PHACTR2: variants seen among roughly 807,000 people sequenced by gnomAD.
PHACTR2 encodes the protein phosphatase and actin regulator 2, also known as chromosome 6 open reading frame 56.
Under a neutral mutation model 76.0 loss-of-function variants are expected in PHACTR2, and 30 were observed. That is an observed-to-expected ratio of 0.39 (90% CI 0.30 to 0.54). The LOEUF is 0.54. PHACTR2 is among the 20% of genes least tolerant of loss of function. The probability of loss-of-function intolerance (pLI) is 0.61; values close to 1 mark genes in which losing one functional copy is unlikely to be tolerated. For synonymous variants in PHACTR2, 292 were observed against 292.5 expected (o/e 1.00, Z 0.02); for missense variants, 696 against 781.1 (o/e 0.89, Z 1.30).
intron 1 of PHACTR2, among the ~76,000 whole-genome samples, chr6:143,563,844 A>T (rs1775319524): frequency 6.6e-6 from 1 of 150,662 alleles, no homozygotes; most frequent in South Asian, 2.1e-4. Flanking sequence ...AAAAAAAAAA[A>T]ATACAAAAAA....
At chr6:143,706,632 C>T (rs1010824499) in intron 1 of PHACTR2, among the ~76,000 whole-genome samples, 11 of 152,298 alleles carry the variant, frequency 7.2e-5, no homozygotes, top group African/African-American at 2.6e-4. Context: ...TAACCTGCAC[C>T]CCGTGTGATG....
upstream of PHACTR2, among the ~76,000 whole-genome samples, chr6:143,673,440 TA>T (rs2128451298): frequency 6.6e-6 from 1 of 152,214 alleles, no homozygotes; most frequent in African/African-American, 2.4e-5. Context: ...CAAATTTTGT[TA>T]GTTTCTAGGG....
In PHACTR2 at chr6:143,761,930, C is replaced by G. The variant is rs1364856963; in HGVS notation, c.694+1290C>G. The stretch of plus-strand genomic sequence containing the variant: ...TCTGAATGCCAATAGACATCCCTCT[C>G]CCTGTGCTCCTCATGTCCCGCCTTT... On this transcript the variant is annotated intron_variant, in intron 5 of 12. Transcript: ENST00000440869. The surrounding 1 kb of genome is among the most constrained non-coding windows in gnomAD (Gnocchi z 5.2). Among the ~76,000 whole-genome samples the G allele has an allele frequency of 2.0e-5, 3 of 152,170 alleles. No homozygotes were observed. The highest frequency in any genetic ancestry group is 4.4e-5 in the Non-Finnish European group (3 of 68,034).
Position 143,596,725 on chromosome 6 carries a change from C to T in PHACTR2, c.217+59518C>T, listed in dbSNP as rs1252293427. Among the ~76,000 whole-genome samples, 2 of 152,064 alleles carry T rather than the reference C, an allele frequency of 1.3e-5. No individual in the cohort carries two copies. The highest frequency in any genetic ancestry group is 4.8e-5 in the African/African-American group (2 of 41,358). ...TGGTGGTATGTGACAGTAGTCCCAG[C>T]TACTTGGGAGGCTAAGGCAGGAGGA... is the stretch of plus-strand genomic sequence containing the variant. On this transcript the variant is annotated intron_variant, in intron 1 of 11. Coordinates refer to the PHACTR2 transcript ENST00000367584. The surrounding 1 kb of genome is among the most constrained non-coding windows in gnomAD (Gnocchi z 4.6).
chr6:143,565,262 A>G (rs1282121339), intron 1 of PHACTR2, among the ~76,000 whole-genome samples: 2 of 152,214 alleles, frequency 1.3e-5, no homozygotes, highest in Non-Finnish European at 2.9e-5. Flanking sequence ...ACAAAAATAC[A>G]TAATATGTTA....
Position 143,818,582 on chromosome 6 carries a change from A to G in PHACTR2, c.1923-5092A>G, listed in dbSNP as rs1224075298. ...ATACCCGAGACTGGGTAATTTATAA[A>G]GGAAAGAGATTTAATTGACTCACAG... On this transcript the variant is annotated intron_variant, in intron 12 of 12. Transcript: ENST00000440869. The surrounding 1 kb of genome is among the most constrained non-coding windows in gnomAD (Gnocchi z 4.9). Among the ~76,000 whole-genome samples, 2 of 152,232 alleles carry G rather than the reference A, an allele frequency of 1.3e-5. No individual in the cohort carries two copies. The highest frequency in any genetic ancestry group is 2.9e-5 in the Non-Finnish European group (2 of 68,048).
chr6:143,581,326 G>C lies in PHACTR2; in HGVS notation c.217+44119G>C, dbSNP rs1440122485. On this transcript the variant is annotated intron_variant, in intron 1 of 11. Coordinates refer to the PHACTR2 transcript ENST00000367584. This position sits in a 1 kb window ranked among gnomAD's most constrained non-coding sequence, Gnocchi z 4.5. Reference sequence around the variant, plus strand: ...CAAGTTATCCTCCTGACCGGGCGCAGTGGTTCATGCCTGTAATCCCAGCAC... The same window carrying C: ...CAAGTTATCCTCCTGACCGGGCGCACTGGTTCATGCCTGTAATCCCAGCAC... Among the ~76,000 whole-genome samples, 1 of 152,196 alleles carries C rather than the reference G, an allele frequency of 6.6e-6. No homozygotes were observed. The highest frequency in any genetic ancestry group is 2.4e-5 in the African/African-American group (1 of 41,440).
intron 7 of PHACTR2, among the ~76,000 whole-genome samples, chr6:143,773,169 C>T (rs776663817): frequency 3.9e-5 from 6 of 151,972 alleles, no homozygotes; most frequent in South Asian, 2.1e-4. Context: ...GCTGAGATCG[C>T]GCCACTGCAC....
At chr6:143,814,620 T>A (rs1220233857) in intron 12 of PHACTR2, among the ~76,000 whole-genome samples, 1 of 120,916 alleles carries the variant, frequency 8.3e-6, no homozygotes, top group African/African-American at 3.1e-5. Context: ...TTTTTTTTTT[T>A]AAGACGGAGT....
At chr6:143,690,902 G>A in intron 1 of PHACTR2, among the ~76,000 whole-genome samples, 1 of 152,146 alleles carries the variant, frequency 6.6e-6, no homozygotes, top group Non-Finnish European at 1.5e-5. Context: ...GTATTTTTCT[G>A]TGTTTTTATT....
rs200001036 is a variant in PHACTR2 at position 143,578,645 on chromosome 6, TGAG to T, written c.217+41456_217+41458del. 6.0e-4 allele frequency among the ~76,000 whole-genome samples: 90 copies of T among 150,550 alleles called. 1 individual carries two copies. In the East Asian group the frequency reaches 7.2e-3, roughly 12 times the overall value. ...GAGGGCCTGGACAATGAGGAGAGGA[TGAG>T]GAGGAGGAGGAGGAGGAAGGAGAAG... On this transcript the variant is annotated intron_variant, in intron 1 of 11. Transcript: ENST00000367584. The surrounding 1 kb of genome is among the most constrained non-coding windows in gnomAD (Gnocchi z 4.5).
At position 143,709,622 on chromosome 6, in the gene PHACTR2, A is replaced by G. The variant is rs1033116528; in HGVS notation, c.47-2394A>G. ...CGCCTTGTCACCCCGACATGGAGGT[A>G]AAAATCCCATTTCTCCACCTGTCCT... On this transcript the variant is annotated intron_variant, in intron 1 of 12. Coordinates refer to ENST00000440869, the MANE Select transcript of PHACTR2 (RefSeq NM_001100164.2). This position sits in a 1 kb window ranked among gnomAD's most constrained non-coding sequence, Gnocchi z 4.4. Among the ~76,000 whole-genome samples, 3 of 152,174 alleles carry G rather than the reference A, an allele frequency of 2.0e-5. No homozygotes were observed.
rs1322346475 is a variant in PHACTR2, at chr6:143,765,702, T to C, written c.1136T>C (p.Leu379Ser). Residue 379 changes from leucine to serine, a missense_variant, in exon 6 of 13, where the codon TTA (leucine) becomes TCA (serine). By Grantham distance (145) the Leu-to-Ser change is moderately radical (BLOSUM62 -2). Around this residue, in one of 2 missense-constraint regions of PHACTR2, gnomAD observed 236 missense variants for 330.2 expected, o/e 0.71. Transcript: ENST00000440869. The surrounding 1 kb of genome is among the most constrained non-coding windows in gnomAD (Gnocchi z 4.1). ...SVGADLPVSA[L>S]DPSQLLWAEE... is the part of the protein sequence containing the mutation. ...GGAGCTGACCTGCCCGTCTCTGCCT[T>C]AGACCCAAGTCAGCTTCTTTGGGCT... 34 of 1,614,172 alleles carry C rather than the reference T, an allele frequency of 2.1e-5. No homozygotes were observed. Among genetic ancestry groups the C allele is most frequent in the Non-Finnish European group, 2.9e-5 (34 of 1,180,018 alleles).
upstream of PHACTR2, among the ~76,000 whole-genome samples, chr6:143,677,712 TAATTCC>T (rs1777276039): frequency 6.6e-6 from 1 of 152,242 alleles, no homozygotes; most frequent in South Asian, 2.1e-4. Context: ...CTAAATACTT[TAATTCC>T]TTTTCTTGTA....
At position 143,755,612 on chromosome 6, in the gene PHACTR2, C is replaced by T. The variant is rs766958429; in HGVS notation, c.454+1700C>T. ...ATTAGTACATTCAATTCTTCCTTAT[C>T]TGATAAGGTCCAAGAGAGCCTGTTG... is the stretch of plus-strand genomic sequence containing the variant. On this transcript the variant is annotated intron_variant, in intron 4 of 12. Coordinates refer to ENST00000440869, the MANE Select transcript of PHACTR2 (RefSeq NM_001100164.2). This position sits in a 1 kb window ranked among gnomAD's most constrained non-coding sequence, Gnocchi z 5.2. 2.1e-5 allele frequency: 6 copies of T among 285,086 alleles called. No homozygotes were observed. The highest frequency in any genetic ancestry group is 1.7e-4 in the South Asian group (5 of 29,946). The allele number at this position is 285,086 out of a possible 1,614,324, so 17.7% of individuals were successfully genotyped here. A position where few individuals can be genotyped will look rare whatever the true frequency, so the allele number is the denominator to read the frequency against.
At position 143,772,596 on chromosome 6, in the gene PHACTR2, T is replaced by C. The variant is rs1582865807; in HGVS notation, c.1432+139T>C. 5.1e-5 allele frequency: 34 copies of C among 665,400 alleles called. No homozygotes were observed. The East Asian group carries it at 9.1e-4, about 18-fold the overall frequency. The allele number at this position is 665,400 out of a possible 1,614,324, so 41.2% of individuals were successfully genotyped here. On this transcript the variant is annotated intron_variant, in intron 7 of 12. Transcript: ENST00000440869. The surrounding 1 kb of genome is among the most constrained non-coding windows in gnomAD (Gnocchi z 5.4). ...TCATCCTCCTTTCTCAAATTAGAAA[T>C]GTGTATATCCTAAAGTTTAGCTTTT...
chr6:143,747,564 G>C (rs1480111952), intron 2 of PHACTR2, among the ~76,000 whole-genome samples: 3 of 152,166 alleles, frequency 2.0e-5, no homozygotes, highest in African/African-American at 7.2e-5. Context: ...TAGTTGAAAC[G>C]ATGTTGTCTA....
rs1337067162 is a variant in PHACTR2 at position 143,664,012 on chromosome 6, T to G, written c.14-48004T>G. Among the ~76,000 whole-genome samples the G allele has an allele frequency of 6.6e-6, 1 of 152,126 alleles. No homozygotes were observed. The highest frequency in any genetic ancestry group is 1.5e-5 in the Non-Finnish European group (1 of 67,990). On this transcript the variant is annotated intron_variant, in intron 1 of 11. Transcript: ENST00000305766. The surrounding 1 kb of genome is among the most constrained non-coding windows in gnomAD (Gnocchi z 5.1). ...TGGTATGTTAAAAATCTCTCCTTAT[T>G]ATTGTGGATCTGTCCGTTTATCATT...
rs1778158961 is a variant in PHACTR2, at chr6:143,710,851, G to GT, written c.47-1164dup. On this transcript the variant is annotated intron_variant, in intron 1 of 12. Transcript: ENST00000440869. This position sits in a 1 kb window ranked among gnomAD's most constrained non-coding sequence, Gnocchi z 4.9. ...AGAATTGGTATCACGCCTCATATGC[G>GT]TATCTACCAGCTGGATTCAACACTT... Among the ~76,000 whole-genome samples the GT allele has an allele frequency of 6.6e-6, 1 of 152,160 alleles. No homozygotes were observed. The highest frequency in any genetic ancestry group is 6.5e-5 in the Admixed American group (1 of 15,284).
Sources: allele counts gnomAD v4.1 joint callset (sites outside exome capture counted in the v4.1 genomes callset), GRCh38; gene constraint gnomAD v4.1.1; regional missense constraint gnomAD v4.1.1; non-coding constraint Gnocchi (gnomAD v3.1); transcripts MANE v1.5; gene names NCBI Gene and HGNC (gene_info 2026-07-23, HGNC 2026-07-21).